Variants in PCLO observed in about 807,000 individuals in gnomAD.
PCLO encodes the protein piccolo presynaptic cytomatrix protein.
PCLO carries 82 observed loss-of-function variants against 427.5 expected under a neutral mutation model. The observed-to-expected ratio is 0.19, with a 90% confidence interval of 0.16 to 0.23. PCLO has a LOEUF of 0.23. Ranked by LOEUF, PCLO falls within the 10% of genes least tolerant of loss-of-function variation. The pLI, the probability that PCLO is intolerant of heterozygous loss-of-function variation, is 1.00. For synonymous variants in PCLO, 2,357 were observed against 2,155.4 expected (o/e 1.09, Z -2.59); for missense variants, 6,239 against 6,115.9 (o/e 1.02, Z -0.67).
intron 3 of PCLO, among the ~76,000 whole-genome samples, chr7:83,016,280 T>G (rs1377544338): frequency 6.6e-6 from 1 of 152,008 alleles, no homozygotes; most frequent in African/African-American, 2.4e-5. Flanking sequence ...AAACAACGTG[T>G]GCAAATAGTA....
chr7:82,924,514 T>C (rs921603180), intron 6 of PCLO, among the ~76,000 whole-genome samples: 30 of 152,064 alleles, frequency 2.0e-4, no homozygotes, highest in African/African-American at 6.3e-4. Flanking sequence ...CTTAACCCTA[T>C]AAAAATCTTG....
At chr7:82,805,016 C>T (rs546423505) in intron 21 of PCLO, among the ~76,000 whole-genome samples, 1 of 151,974 alleles carries the variant, frequency 6.6e-6, no homozygotes, top group Admixed American at 6.6e-5. Context: ...ATCTTAAATG[C>T]CACCAATATG....
intron 20 of PCLO, among the ~76,000 whole-genome samples, chr7:82,816,960 G>A (rs1428256314): frequency 6.6e-6 from 1 of 152,162 alleles, no homozygotes; most frequent in Non-Finnish European, 1.5e-5. Flanking sequence ...GATTCTGTAT[G>A]TATAGCAGAG....
chr7:83,109,128 C>T (rs1562968274), intron 3 of PCLO, among the ~76,000 whole-genome samples: 2 of 152,098 alleles, frequency 1.3e-5, no homozygotes, highest in Non-Finnish European at 2.9e-5. Context: ...GAAGTACTGG[C>T]CCCAAAACTC....
chr7:82,992,778 A>G (rs1796407597), intron 3 of PCLO, among the ~76,000 whole-genome samples: 1 of 152,022 alleles, frequency 6.6e-6, no homozygotes, highest in Admixed American at 6.6e-5. Flanking sequence ...ATGATGCCTT[A>G]CTTTTTGTGA....
intron 20 of PCLO, 168 bp downstream of exon 20, chr7:82,822,327 A>T: frequency 6.9e-7 from 1 of 1,451,230 alleles, no homozygotes; most frequent in Non-Finnish European, 9.1e-7. Context: ...TCTAAATAAG[A>T]AAGAGCATAT....
At chr7:82,902,187 C>T (rs1794059484) in intron 9 of PCLO, among the ~76,000 whole-genome samples, 1 of 151,682 alleles carries the variant, frequency 6.6e-6, no homozygotes, top group African/African-American at 2.4e-5. Context: ...AAATGTCCAA[C>T]AATGATAGAC....
At chr7:83,039,747 T>C (rs1370476655) in intron 3 of PCLO, among the ~76,000 whole-genome samples, 1 of 152,152 alleles carries the variant, frequency 6.6e-6, no homozygotes, top group African/African-American at 2.4e-5. Context: ...AGCTTAAATT[T>C]TGATAGAGAT....
At chr7:83,036,381 G>C (rs6467925) in intron 3 of PCLO, among the ~76,000 whole-genome samples, 117,093 of 152,086 alleles carry the variant, frequency 0.77, 45,876 homozygotes, top group African/African-American at 0.91. Context: ...CTTTGAAAAC[G>C]ACTGTCTTAG....
In PCLO at chr7:82,949,919, C is replaced by T. The variant is rs370477999; in HGVS notation, c.10669G>A (p.Glu3557Lys). The change falls in exon 6 of 25, where the codon GAA (glutamate) becomes AAA (lysine). Residue 3557 changes from glutamate (E) to lysine (K), a missense_variant. Coordinates refer to ENST00000333891, the MANE Select transcript of PCLO (RefSeq NM_033026.6). ...VEIIKHISAP[E>K]KTYKGGSLGC... is the part of the protein sequence containing the mutation. ...AAACTGCCCCCTTTGTAAGTCTTTT[C>T]AGGTGCTGAAATGTGTTTAATTATT... The T allele has an allele frequency of 2.5e-6, 4 of 1,613,602 alleles. No individual in the cohort carries two copies. The highest frequency in any genetic ancestry group is 3.4e-6 in the Non-Finnish European group (4 of 1,179,842).
At chr7:82,856,060 T>C (rs547676686) in intron 10 of PCLO, among the ~76,000 whole-genome samples, 1 of 152,218 alleles carries the variant, frequency 6.6e-6, no homozygotes, top group African/African-American at 2.4e-5. Context: ...GAAAGTGTGC[T>C]AGCTTTGACA....
At chr7:83,111,411 C>G (rs896395201) in intron 3 of PCLO, among the ~76,000 whole-genome samples, 4 of 152,192 alleles carry the variant, frequency 2.6e-5, no homozygotes, top group African/African-American at 4.8e-5. Context: ...TAGGCTAAAT[C>G]TAATCAGGTG....
chr7:82,847,600 C>T (rs1792538187), intron 10 of PCLO, among the ~76,000 whole-genome samples: 1 of 152,092 alleles, frequency 6.6e-6, no homozygotes, highest in African/African-American at 2.4e-5. Flanking sequence ...CAATTAGAAA[C>T]CCCAATATAA....
chr7:82,760,755 T>C lies in PCLO; in HGVS notation c.15172A>G (p.Ile5058Val), dbSNP rs375631203. 7.3e-6 allele frequency: 11 copies of C among 1,497,862 alleles called. No homozygotes were observed. Among genetic ancestry groups the C allele is most frequent in the East Asian group, 2.3e-5 (1 of 44,072 alleles). The allele number at this position is 1,497,862 out of a possible 1,614,324, so 92.8% of individuals were successfully genotyped here. ...TTGATCACCTTTTTTTGGGTAGAAA[T>C]ATTCATCACATATATTTTCACATAT... is the stretch of plus-strand genomic sequence containing the variant. ...DLYVKIYVMN[I>V]STQKKVIKKK... The change falls in exon 24 of 25, where the codon ATT (isoleucine) becomes GTT (valine). Residue 5058 changes from isoleucine (I) to valine (V), a missense_variant. Ile to Val is a conservative substitution (Grantham distance 29). Transcript: ENST00000333891.
chr7:82,756,470 A>C lies in PCLO; in HGVS notation c.*2105T>G, dbSNP rs1313243380. 2 of 152,108 alleles carry C rather than the reference A, an allele frequency of 1.3e-5. No homozygotes were observed. Among genetic ancestry groups the C allele is most frequent in the Admixed American group, 1.3e-4 (2 of 15,222 alleles). The allele number at this position is 152,108 out of a possible 1,614,324, so 9.4% of individuals were successfully genotyped here. On this transcript the variant is annotated 3_prime_UTR_variant, in exon 25 of 25. Transcript: ENST00000333891. The stretch of plus-strand genomic sequence containing the variant: ...TATTGTCAGTGGAGGGGGATTAAAA[A>C]ATAGAGGGAAGAAAAGTTATGGTTA...
intron 3 of PCLO, among the ~76,000 whole-genome samples, chr7:83,068,582 T>G (rs1487491668): frequency 6.6e-6 from 1 of 152,060 alleles, no homozygotes; most frequent in Non-Finnish European, 1.5e-5. Context: ...ACGAATAAGA[T>G]ATCATTTCAT....
At chr7:83,093,492 A>ATATATATTTTTTTTTTTTTTTTTTTT in intron 3 of PCLO, among the ~76,000 whole-genome samples, 2 of 59,318 alleles carry the variant, frequency 3.4e-5, no homozygotes, top group East Asian at 1.1e-3. Flanking sequence ...ATATATATAT[A>ATATATATTTTTTTTTTTTTTTTTTTT]TTTTTTTTTT....
chr7:82,855,866 AG>A (rs138864771), intron 10 of PCLO, among the ~76,000 whole-genome samples: 5,388 of 152,234 alleles, frequency 0.035, 173 homozygotes, highest in East Asian at 0.15. Context: ...GAGGTTCCAA[AG>A]GAAGTAGGGA....
intron 1 of PCLO, among the ~76,000 whole-genome samples, chr7:83,159,208 C>G (rs1792374571): frequency 6.6e-6 from 1 of 152,014 alleles, no homozygotes; most frequent in Admixed American, 6.6e-5. Context: ...ATTGCTTTCA[C>G]TTAAAATTCT....
Sources: allele counts gnomAD v4.1 joint callset (sites outside exome capture counted in the v4.1 genomes callset), GRCh38; gene constraint gnomAD v4.1.1; transcripts MANE v1.5; gene names NCBI Gene and HGNC (gene_info 2026-07-23, HGNC 2026-07-21).